Variants in LDLRAD4 observed in about 807,000 individuals in gnomAD.
LDLRAD4 encodes low density lipoprotein receptor class A domain containing 4.
LDLRAD4 carries 5 observed loss-of-function variants against 17.0 expected under a neutral mutation model. That is an observed-to-expected ratio of 0.29 (90% confidence interval 0.15 to 0.62). LDLRAD4 has a LOEUF of 0.62. Among genes scored for constraint, LDLRAD4 ranks in the 20% least tolerant of loss-of-function variants. LDLRAD4 has a pLI of 0.84. For synonymous variants in LDLRAD4, 168 were observed against 171.8 expected (o/e 0.98, Z 0.17); for missense variants, 340 against 424.7 (o/e 0.80, Z 1.75).
intron 2 of LDLRAD4, among the ~76,000 whole-genome samples, chr18:13,403,562 C>T (rs2087425832): frequency 6.6e-6 from 1 of 152,228 alleles, no homozygotes; most frequent in Admixed American, 6.5e-5. Flanking sequence ...AGTTACTTCA[C>T]CTCTCTTGGC....
At chr18:13,244,723 A>C (rs2145736095) in intron 1 of LDLRAD4, among the ~76,000 whole-genome samples, 1 of 152,234 alleles carries the variant, frequency 6.6e-6, no homozygotes, top group South Asian at 2.1e-4. Context: ...GTCACAGCAC[A>C]TCCATATCCA....
chr18:13,500,835 ACAT>A (rs2093602652), intron 3 of LDLRAD4: 1 of 152,226 alleles, frequency 6.6e-6, no homozygotes, highest in Non-Finnish European at 1.5e-5. Context: ...GCCATAAAAC[ACAT>A]CATCAAAAAT....
At chr18:13,579,406 G>C (rs1313868804) in intron 3 of LDLRAD4, among the ~76,000 whole-genome samples, 2 of 152,204 alleles carry the variant, frequency 1.3e-5, no homozygotes, top group East Asian at 3.8e-4. Flanking sequence ...AAGTGGGCCT[G>C]TCCCTTTTTA....
intron 1 of LDLRAD4, among the ~76,000 whole-genome samples, chr18:13,229,862 C>T (rs1007143692): frequency 6.6e-6 from 1 of 152,210 alleles, no homozygotes; most frequent in Non-Finnish European, 1.5e-5. Context: ...ACAACCATAC[C>T]AGGGAGACAG....
At chr18:13,572,847 G>A (rs1309308045) in intron 3 of LDLRAD4, among the ~76,000 whole-genome samples, 1 of 152,236 alleles carries the variant, frequency 6.6e-6, no homozygotes, top group Non-Finnish European at 1.5e-5. Flanking sequence ...GGCAAGAGCT[G>A]TGGCTAAAGC....
chr18:13,626,493 G>C (rs916170867), intron 4 of LDLRAD4, among the ~76,000 whole-genome samples: 3 of 152,164 alleles, frequency 2.0e-5, no homozygotes, highest in Non-Finnish European at 4.4e-5. Flanking sequence ...GGCCATCAGC[G>C]GATGGAGGGA....
chr18:13,515,606 T>TA (rs1953583927), intron 3 of LDLRAD4: 1 of 152,254 alleles, frequency 6.6e-6, no homozygotes, highest in Admixed American at 6.5e-5. Flanking sequence ...TCAGTAGACT[T>TA]ACAAATTCAC....
At chr18:13,376,670 G>A (rs1378737398) in intron 1 of LDLRAD4, among the ~76,000 whole-genome samples, 1 of 152,194 alleles carries the variant, frequency 6.6e-6, no homozygotes, top group African/African-American at 2.4e-5. Flanking sequence ...GTCCGGTGCT[G>A]TGGAAGACTG....
At chr18:13,502,262 C>T (rs1316743410) in intron 3 of LDLRAD4, among the ~76,000 whole-genome samples, 1 of 152,258 alleles carries the variant, frequency 6.6e-6, no homozygotes, top group Non-Finnish European at 1.5e-5. Context: ...GCTGGTGCCA[C>T]ATCTTTTAAA....
intron 3 of LDLRAD4, among the ~76,000 whole-genome samples, chr18:13,540,740 G>A (rs2094268639): frequency 6.6e-6 from 1 of 152,234 alleles, no homozygotes; most frequent in African/African-American, 2.4e-5. Flanking sequence ...TTCCACGCAT[G>A]TTAGTTACAG....
intron 1 of LDLRAD4, among the ~76,000 whole-genome samples, chr18:13,266,552 C>G (rs551461824): frequency 6.6e-6 from 1 of 152,346 alleles, no homozygotes; most frequent in African/African-American, 2.4e-5. Context: ...CAGATTTGGG[C>G]TTGGACTGGG....
chr18:13,226,710 G>GAATAAAATAAAATAA (rs60378544), intron 1 of LDLRAD4, among the ~76,000 whole-genome samples: 2,794 of 139,528 alleles, frequency 0.02, 51 homozygotes, highest in Non-Finnish European at 0.03. Context: ...TTTAAAATTT[G>GAATAAAATAAAATAA]AATAAAATAA....
intron 4 of LDLRAD4, chr18:13,642,035 C>T (rs2042612194): frequency 1.0e-6 from 1 of 985,324 alleles, no homozygotes; most frequent in Admixed American, 6.1e-5. Flanking sequence ...GCGCCGGACC[C>T]CCGCCCTCGT....
At chr18:13,358,363 T>C (rs2083465978) in intron 1 of LDLRAD4, among the ~76,000 whole-genome samples, 1 of 152,136 alleles carries the variant, frequency 6.6e-6, no homozygotes, top group Non-Finnish European at 1.5e-5. Context: ...AGAGAGATTA[T>C]ATGTTTTCAC....
intron 1 of LDLRAD4, among the ~76,000 whole-genome samples, chr18:13,259,609 T>C (rs1002766480): frequency 9.2e-5 from 14 of 152,226 alleles, no homozygotes; most frequent in Non-Finnish European, 2.1e-4. Context: ...ATGTAAAGCA[T>C]ACATTGGTAT....
chr18:13,327,713 T>C (rs1393390932), intron 1 of LDLRAD4, among the ~76,000 whole-genome samples: 1 of 151,936 alleles, frequency 6.6e-6, no homozygotes, highest in East Asian at 1.9e-4. Context: ...TAGGTGGCCA[T>C]TGAGTTATGA....
chr18:13,503,853 T>C (rs1324588280), intron 3 of LDLRAD4, among the ~76,000 whole-genome samples: 1 of 152,104 alleles, frequency 6.6e-6, no homozygotes, highest in Non-Finnish European at 1.5e-5. Flanking sequence ...CTAGTTATGA[T>C]AGAGTAAAAT....
chr18:13,449,752 C>T (rs1363832571), intron 3 of LDLRAD4, among the ~76,000 whole-genome samples: 1 of 152,210 alleles, frequency 6.6e-6, no homozygotes, highest in Non-Finnish European at 1.5e-5. Flanking sequence ...GGAACTTGAG[C>T]TACACTTCAG....
At chr18:13,409,796 C>T (rs188485838) in intron 2 of LDLRAD4, among the ~76,000 whole-genome samples, 4 of 152,220 alleles carry the variant, frequency 2.6e-5, no homozygotes, top group African/African-American at 9.6e-5. Context: ...TAGGTGAGAC[C>T]TGATACTGGG....
Sources: gnomAD v4.1 joint callset for allele counts (sites outside exome capture counted in the v4.1 genomes callset) on GRCh38, gnomAD v4.1.1 for gene constraint, MANE v1.5 for transcripts, NCBI Gene and HGNC (gene_info 2026-07-23, HGNC 2026-07-21) for gene names.